The following NEO1 variants were observed in gnomAD, a reference collection of about 807,000 sequenced individuals.
NEO1 encodes neogenin 1.
A neutral mutation model predicts 159.7 loss-of-function variants in NEO1; 63 were observed. The ratio of observed to expected loss-of-function variants is 0.39; its 90% CI spans 0.32 to 0.49. The LOEUF is 0.49. NEO1 is among the 20% of genes least tolerant of loss of function. The pLI, the probability that NEO1 is intolerant of heterozygous loss-of-function variation, is 0.85. For missense variants in NEO1, 1,615 were observed against 1,831.0 expected, an observed-to-expected ratio of 0.88 and a Z score of 2.15; for synonymous variants, 633 against 662.0, an observed-to-expected ratio of 0.96 and a Z score of 0.67.
At chr15:73,194,528 A>G (rs962849083) in intron 7 of NEO1, among the ~76,000 whole-genome samples, 3 of 152,184 alleles carry the variant, frequency 2.0e-5, no homozygotes, top group Admixed American at 2.0e-4. Flanking sequence ...AGGAGGTTCC[A>G]GGCTCTTTTA....
chr15:73,053,330 CT>C (rs200675889), intron 1 of NEO1, among the ~76,000 whole-genome samples: 2,762 of 152,298 alleles, frequency 0.018, 43 homozygotes, highest in Non-Finnish European at 0.029. Flanking sequence ...GAGCCCGAGT[CT>C]GCGGAAGAGC....
At chr15:73,285,394 G>T (rs948815703) in intron 23 of NEO1, among the ~76,000 whole-genome samples, 42 of 152,272 alleles carry the variant, frequency 2.8e-4, no homozygotes, top group African/African-American at 1.0e-3. Context: ...AAGGTACTCA[G>T]TCTTCAGATT....
chr15:73,159,872 A>C (rs1029445971), intron 5 of NEO1, among the ~76,000 whole-genome samples: 21 of 152,144 alleles, frequency 1.4e-4, no homozygotes, highest in African/African-American at 5.1e-4. Flanking sequence ...AGATTGTATC[A>C]ATTTATATCA....
chr15:73,145,454 A>T (rs1470927838), intron 5 of NEO1, among the ~76,000 whole-genome samples: 1 of 152,172 alleles, frequency 6.6e-6, no homozygotes, highest in Non-Finnish European at 1.5e-5. Flanking sequence ...TGAAATAAGG[A>T]TGTGTGCAAA....
chr15:73,085,264 A>C (rs911911145), intron 1 of NEO1, among the ~76,000 whole-genome samples: 6 of 152,014 alleles, frequency 3.9e-5, no homozygotes, highest in Non-Finnish European at 8.8e-5. Context: ...TAATGCCTTT[A>C]TCACACAACA....
rs869029902 is a variant in NEO1, at chr15:73,279,351, G to GTTTTTTTT, written c.3262+1160_3262+1167dup. ...ATGTTTTTTTGTTGTTTTGGTTTTGGTTTTTTTTTTTTTTTGAGATGGAAT... is the reference window on the plus strand; with the variant it reads ...ATGTTTTTTTGTTGTTTTGGTTTTGGTTTTTTTTTTTTTTTTTTTTTTTGAGATGGAAT... On this transcript the variant is annotated intron_variant, in intron 22 of 28. Coordinates refer to ENST00000261908, the MANE Select transcript of NEO1 (RefSeq NM_002499.4). 6.5e-4 allele frequency among the ~76,000 whole-genome samples: 77 copies of GTTTTTTTT among 119,338 alleles called. 7 individuals carry two copies. Among genetic ancestry groups the GTTTTTTTT allele is most frequent in the Middle Eastern group, 9.3e-3 (2 of 214 alleles). 78.3% of individuals were successfully genotyped at this position (119,338 alleles called of 152,430 possible).
At chr15:73,273,104 A>AT (rs1481946664) in intron 19 of NEO1, among the ~76,000 whole-genome samples, 2 of 151,292 alleles carry the variant, frequency 1.3e-5, no homozygotes, top group Non-Finnish European at 2.9e-5. Context: ...GGGACCTGGA[A>AT]TTTTTTCCTT....
chr15:73,270,916 A>G (rs2041137464), intron 18 of NEO1, among the ~76,000 whole-genome samples: 1 of 152,250 alleles, frequency 6.6e-6, no homozygotes, highest in African/African-American at 2.4e-5. Flanking sequence ...GGAAAAGATG[A>G]CTAAGCAAAT....
chr15:73,222,426 A>T (rs1262644532), intron 7 of NEO1, among the ~76,000 whole-genome samples: 1 of 151,848 alleles, frequency 6.6e-6, no homozygotes, highest in Non-Finnish European at 1.5e-5. Context: ...TTACCATTTC[A>T]ATCTCGCTGC....
At chr15:73,097,540 T>C (rs766624405) in intron 1 of NEO1, among the ~76,000 whole-genome samples, 1 of 151,848 alleles carries the variant, frequency 6.6e-6, no homozygotes, top group Non-Finnish European at 1.5e-5. Context: ...TTTGTATTTT[T>C]AGTAGAGACA....
At chr15:73,105,292 C>A (rs906966042) in intron 1 of NEO1, among the ~76,000 whole-genome samples, 10 of 152,160 alleles carry the variant, frequency 6.6e-5, no homozygotes, top group Non-Finnish European at 1.2e-4. Flanking sequence ...CGAATGATTA[C>A]TTTTCTGGGC....
intron 7 of NEO1, among the ~76,000 whole-genome samples, chr15:73,228,397 C>CT (rs201978738): frequency 0.011 from 1,481 of 140,062 alleles, 27 homozygotes; most frequent in African/African-American, 0.034. Context: ...AAGCTATTGC[C>CT]TTTTTTTTTT....
At chr15:73,201,609 A>C (rs1410649245) in intron 7 of NEO1, among the ~76,000 whole-genome samples, 2 of 152,156 alleles carry the variant, frequency 1.3e-5, no homozygotes, top group African/African-American at 4.8e-5. Flanking sequence ...TCATCTATAT[A>C]CTTAGTAATT....
intron 7 of NEO1, among the ~76,000 whole-genome samples, chr15:73,191,155 A>G (rs1419833147): frequency 6.6e-6 from 1 of 152,042 alleles, no homozygotes; most frequent in Non-Finnish European, 1.5e-5. Flanking sequence ...TAAAAGTCTG[A>G]CATATTGGAT....
chr15:73,067,803 A>G (rs1228174269), intron 1 of NEO1, among the ~76,000 whole-genome samples: 2 of 151,902 alleles, frequency 1.3e-5, no homozygotes, highest in Non-Finnish European at 1.5e-5. Flanking sequence ...TTTTTAGTAG[A>G]GACGGGGTTT....
At chr15:73,199,575 A>G (rs2036741567) in intron 7 of NEO1, among the ~76,000 whole-genome samples, 1 of 152,180 alleles carries the variant, frequency 6.6e-6, no homozygotes. Context: ...TTGTTACAAC[A>G]TAGATGTCTG....
At chr15:73,205,770 T>C (rs1277280804) in intron 7 of NEO1, among the ~76,000 whole-genome samples, 1 of 152,188 alleles carries the variant, frequency 6.6e-6, no homozygotes, top group African/African-American at 2.4e-5. Context: ...CTCTAGTGAG[T>C]CCAGGAAAGT....
At chr15:73,265,395 A>C (rs540985927) in intron 15 of NEO1, among the ~76,000 whole-genome samples, 4 of 152,332 alleles carry the variant, frequency 2.6e-5, no homozygotes, top group African/African-American at 9.6e-5. Context: ...AGACAATTGA[A>C]CATAAAGGTC....
upstream of NEO1, among the ~76,000 whole-genome samples, chr15:73,052,210 G>A (rs749576846): frequency 6.8e-6 from 1 of 147,858 alleles, no homozygotes; most frequent in Non-Finnish European, 1.5e-5. Context: ...GGCGGCAGCC[G>A]GGATTGGAGC....
Sources: gnomAD v4.1 joint callset for allele counts (sites outside exome capture counted in the v4.1 genomes callset) on GRCh38, gnomAD v4.1.1 for gene constraint, MANE v1.5 for transcripts, NCBI Gene and HGNC (gene_info 2026-07-23, HGNC 2026-07-21) for gene names.